The following LYPLA1 variants were observed in gnomAD, a reference collection of about 807,000 sequenced individuals.
LYPLA1 encodes the protein acyl-protein thioesterase 1.
LYPLA1 carries 17 observed loss-of-function variants against 34.0 expected under a neutral mutation model. The ratio of observed to expected loss-of-function variants is 0.50; its 90% CI spans 0.34 to 0.75. The LOEUF is 0.75. Among genes scored for constraint, LYPLA1 ranks in the 30% least tolerant of loss-of-function variants. The pLI is 0.01. For synonymous variants in LYPLA1, 98 were observed against 100.8 expected, an observed-to-expected ratio of 0.97 and a Z score of 0.17; for missense variants, 203 against 288.8, an observed-to-expected ratio of 0.70 and a Z score of 2.15.
intron 2 of LYPLA1, among the ~76,000 whole-genome samples, chr8:54,097,251 T>TA (rs1176307701): frequency 3.4e-4 from 52 of 152,334 alleles, no homozygotes; most frequent in Admixed American, 1.0e-3. Flanking sequence ...ATTAGTCTAC[T>TA]GATGCGCGCA....
chr8:54,099,416 G>A lies in LYPLA1; in HGVS notation c.101+1492C>T, dbSNP rs140539681. On this transcript the variant is annotated intron_variant, in intron 2 of 8. Coordinates refer to ENST00000316963, the MANE Select transcript of LYPLA1 (RefSeq NM_006330.4). ...GAATCACTTTTAAGTGGTGGCTCAC[G>A]CCTGTAATCCCAGCACTTTGGGAGG... Among the ~76,000 whole-genome samples the A allele has an allele frequency of 7.1e-3, 1,074 of 152,220 alleles. 20 individuals carry two copies. The highest frequency in any genetic ancestry group is 0.021 in the African/African-American group (867 of 41,536).
At chr8:54,050,734 C>T (rs1297326020) in intron 8 of LYPLA1, among the ~76,000 whole-genome samples, 3 of 152,080 alleles carry the variant, frequency 2.0e-5, no homozygotes, top group Non-Finnish European at 4.4e-5. Context: ...CATACAGTTA[C>T]TTAGACATGC....
intron 2 of LYPLA1, among the ~76,000 whole-genome samples, chr8:54,089,683 G>A (rs1288320735): frequency 6.6e-6 from 1 of 151,566 alleles, no homozygotes; most frequent in Non-Finnish European, 1.5e-5. Context: ...AAGTGCAGTG[G>A]CATCATCTCA....
chr8:54,057,647 G>C (rs1447857532), intron 5 of LYPLA1, among the ~76,000 whole-genome samples: 3 of 152,172 alleles, frequency 2.0e-5, no homozygotes, highest in Non-Finnish European at 4.4e-5. Context: ...GTAGAAGTAT[G>C]GTTATCAGAG....
intron 6 of LYPLA1, chr8:54,053,095 CTT>C (rs374207905): frequency 3.9e-3 from 610 of 158,342 alleles, no homozygotes; most frequent in South Asian, 0.011. Flanking sequence ...ATTGGTATTA[CTT>C]TTTTTTTTTT....
At chr8:54,097,333 A>C (rs1049315956) in intron 2 of LYPLA1, among the ~76,000 whole-genome samples, 3 of 152,242 alleles carry the variant, frequency 2.0e-5, no homozygotes, top group African/African-American at 7.2e-5. Flanking sequence ...ATGAGTAAAT[A>C]CACAAACCCA....
At chr8:54,056,043 A>T (rs1035572843) in intron 5 of LYPLA1, among the ~76,000 whole-genome samples, 20 of 152,338 alleles carry the variant, frequency 1.3e-4, no homozygotes, top group African/African-American at 4.6e-4. Context: ...TTCAAATTAT[A>T]CTACAGAGCT....
At chr8:54,062,036 C>T (rs1330422222) in intron 5 of LYPLA1, among the ~76,000 whole-genome samples, 7 of 151,810 alleles carry the variant, frequency 4.6e-5, no homozygotes, top group Non-Finnish European at 7.4e-5. Flanking sequence ...TTTGTATTTT[C>T]AGTAGAGATG....
downstream of LYPLA1, chr8:54,045,579 A>T (rs2129318831): frequency 6.6e-6 from 1 of 152,348 alleles, no homozygotes; most frequent in South Asian, 2.1e-4. Flanking sequence ...CCAAAAATTG[A>T]ACAAGCTGCA....
chr8:54,073,680 C>G, intron 2 of LYPLA1: 1 of 372,600 alleles, frequency 2.7e-6, no homozygotes, highest in Non-Finnish European at 5.0e-6. Flanking sequence ...TTGTTAGTTG[C>G]CTTAAAATAA....
chr8:54,055,078 A>C lies in LYPLA1; in HGVS notation c.342T>G (p.Ile114Met), dbSNP rs76859468. The change falls in exon 6 of 9, where the codon ATT becomes ATG. Residue 114 changes from isoleucine (I) to methionine (M), a missense_variant. Transcript: ENST00000316963. The part of the protein sequence containing the change: ...VKNGIPSNRI[I>M]LGGFSQGGAL... ...ATCTTACCTGAGAAAACCCTCCCAA[A>C]ATAATTCTGTTAGAAGGAATGCCAT... 3,833 of 1,607,782 alleles carry C rather than the reference A, an allele frequency of 2.4e-3. 71 individuals are homozygous for C. In the African/African-American group the frequency reaches 0.045, roughly 19 times the overall value.
At chr8:54,053,605 G>A in intron 6 of LYPLA1, 3 of 456,202 alleles carry the variant, frequency 6.6e-6, no homozygotes, top group South Asian at 4.6e-5. Context: ...AGGCAGTGAT[G>A]TTTTCTCCTG....
At chr8:54,101,603 C>A (rs1810162646) in intron 1 of LYPLA1, 152 bp downstream of exon 1, 1 of 1,151,052 alleles carries the variant, frequency 8.7e-7, no homozygotes, top group Non-Finnish European at 1.1e-6. Context: ...CCCCGCGGAC[C>A]CGGCCGCGCG....
chr8:54,048,397 G>C (rs578228558), intron 8 of LYPLA1, among the ~76,000 whole-genome samples: 14 of 152,288 alleles, frequency 9.2e-5, no homozygotes, highest in African/African-American at 3.4e-4. Flanking sequence ...GGGAAGTTTA[G>C]AAGCGATGGT....
intron 2 of LYPLA1, among the ~76,000 whole-genome samples, chr8:54,067,821 GA>G (rs1008929347): frequency 6.7e-6 from 1 of 150,096 alleles, no homozygotes. Flanking sequence ...TCAGCCTCCC[GA>G]GTAGGCGCCC....
At position 54,101,884 on chromosome 8, in the gene LYPLA1, G is replaced by C; in HGVS notation, c.-61C>G. On this transcript the variant is annotated 5_prime_UTR_variant, in exon 1 of 9. Coordinates refer to ENST00000316963, the MANE Select transcript of LYPLA1 (RefSeq NM_006330.4). ...AGCGGGCGCCCGGCCGCGGCCCAAG[G>C]GCGTGCGAGCGGCGAGTCCCGGCCG... 9.2e-7 allele frequency: 1 copy of C among 1,084,198 alleles called. No individual in the cohort carries two copies. Among genetic ancestry groups the C allele is most frequent in the Non-Finnish European group, 1.2e-6 (1 of 859,172 alleles). The allele number at this position is 1,084,198 out of a possible 1,614,324, so 67.2% of individuals were successfully genotyped here.
rs976870174 is a variant in LYPLA1, at chr8:54,065,241, T to G, written c.167+507A>C. Among the ~76,000 whole-genome samples, 36 of 152,242 alleles carry G rather than the reference T, an allele frequency of 2.4e-4. 1 individual carries two copies. The highest frequency in any genetic ancestry group is 7.9e-4 in the African/African-American group (33 of 41,552). On this transcript the variant is annotated intron_variant, in intron 3 of 8. Coordinates refer to ENST00000316963, the MANE Select transcript of LYPLA1 (RefSeq NM_006330.4). ...GGGAGGCCAAGGCAGGTCGATCACT[T>G]GAGGTCAGGCATTTGAGAATAGCCT...
At chr8:54,045,788 C>T (rs546698221), downstream of LYPLA1, among the ~76,000 whole-genome samples, 1 of 152,330 alleles carries the variant, frequency 6.6e-6, no homozygotes, top group East Asian at 1.9e-4. Flanking sequence ...AGACCGGGCA[C>T]AGTGGCTCAC....
chr8:54,084,141 A>AAAAAAAAAAAAAAAAAAAAAATACAT (rs1554547936), intron 2 of LYPLA1, among the ~76,000 whole-genome samples: 1 of 118,676 alleles, frequency 8.4e-6, no homozygotes, highest in African/African-American at 4.6e-5. Context: ...AAAATAAATA[A>AAAAAAAAAAAAAAAAAAAAAATACAT]ATATATATAT....
Sources: allele counts gnomAD v4.1 joint callset (sites outside exome capture counted in the v4.1 genomes callset), GRCh38; gene constraint gnomAD v4.1.1; transcripts MANE v1.5; gene names NCBI Gene and HGNC (gene_info 2026-07-23, HGNC 2026-07-21).